The following CFAP54 variants were observed in gnomAD, a reference collection of about 807,000 sequenced individuals.
The protein encoded by CFAP54 is cilia- and flagella-associated protein 54.
CFAP54 carries 290 observed loss-of-function variants against 370.4 expected under a neutral mutation model. The observed-to-expected ratio is 0.78, with a 90% CI of 0.71 to 0.86. The LOEUF (loss-of-function observed/expected upper bound fraction) is 0.86. Ranked by LOEUF, CFAP54 falls within the 40% of genes least tolerant of loss-of-function variation. The probability of loss-of-function intolerance (pLI) is 0.00; values close to 1 mark genes in which losing one functional copy is unlikely to be tolerated. For synonymous variants in CFAP54, 1,206 were observed against 1,236.5 expected, an observed-to-expected ratio of 0.98 and a Z score of 0.52; for missense variants, 3,399 against 3,528.7, an observed-to-expected ratio of 0.96 and a Z score of 0.93.
chr12:96,823,077 C>A (rs1255896005), intron 65 of CFAP54, among the ~76,000 whole-genome samples: 1 of 151,982 alleles, frequency 6.6e-6, no homozygotes, highest in Non-Finnish European at 1.5e-5. Context: ...ACTCTTCTAA[C>A]TGATTGTATT....
intron 17 of CFAP54, among the ~76,000 whole-genome samples, chr12:96,562,164 C>T (rs1239137113): frequency 6.6e-6 from 1 of 152,072 alleles, no homozygotes; most frequent in Non-Finnish European, 1.5e-5. Context: ...TTTCCTTCTC[C>T]CATATTGAGC....
chr12:96,782,378 A>G (rs570481885), intron 60 of CFAP54, among the ~76,000 whole-genome samples: 3 of 152,122 alleles, frequency 2.0e-5, no homozygotes, highest in Non-Finnish European at 4.4e-5. Context: ...GTAGAAAAAA[A>G]CCATCATTCA....
At chr12:96,705,418 A>G (rs775048185) in intron 47 of CFAP54, among the ~76,000 whole-genome samples, 2 of 151,274 alleles carry the variant, frequency 1.3e-5, no homozygotes, top group African/African-American at 4.9e-5. Flanking sequence ...CAGATGATTC[A>G]TTGTTTTTTT....
intron 32 of CFAP54, among the ~76,000 whole-genome samples, chr12:96,639,540 A>G (rs1956701308): frequency 1.3e-5 from 2 of 152,220 alleles, no homozygotes. Context: ...AACTATTCCA[A>G]TCAATAGAAA....
At chr12:96,668,620 A>G (rs1185504197) in intron 39 of CFAP54, among the ~76,000 whole-genome samples, 1 of 152,218 alleles carries the variant, frequency 6.6e-6, no homozygotes, top group Non-Finnish European at 1.5e-5. Flanking sequence ...GGGAGCTACA[A>G]TTCAAGATGA....
At chr12:96,624,220 C>G (rs1956528642) in intron 28 of CFAP54, among the ~76,000 whole-genome samples, 1 of 152,132 alleles carries the variant, frequency 6.6e-6, no homozygotes, top group South Asian at 2.1e-4. Context: ...GTCCTTGGCA[C>G]TGTATGATAT....
At chr12:96,854,518 T>A (rs1315041469) in intron 66 of CFAP54, among the ~76,000 whole-genome samples, 1 of 152,026 alleles carries the variant, frequency 6.6e-6, no homozygotes, top group Non-Finnish European at 1.5e-5. Context: ...CTTTAGAGAA[T>A]CAATAGTACA....
intron 66 of CFAP54, among the ~76,000 whole-genome samples, chr12:96,851,956 A>G (rs1431994490): frequency 6.6e-6 from 1 of 152,142 alleles, no homozygotes; most frequent in Non-Finnish European, 1.5e-5. Context: ...TCACAGACAT[A>G]GAAAACCCAA....
chr12:96,655,075 A>C (rs976247539), intron 36 of CFAP54, among the ~76,000 whole-genome samples: 2 of 152,086 alleles, frequency 1.3e-5, no homozygotes, highest in Non-Finnish European at 2.9e-5. Context: ...GATTCACTAT[A>C]TATGTGATAT....
At chr12:96,672,037 A>G (rs541107030) in intron 39 of CFAP54, among the ~76,000 whole-genome samples, 1 of 152,338 alleles carries the variant, frequency 6.6e-6, no homozygotes, top group Non-Finnish European at 1.5e-5. Flanking sequence ...CTTTTCAAGT[A>G]ACTTAGCACC....
chr12:96,835,031 G>GT lies in CFAP54; in HGVS notation c.9171+5944dup, dbSNP rs758341155. Among the ~76,000 whole-genome samples, 333 of 152,106 alleles carry GT rather than the reference G, an allele frequency of 2.2e-3. 1 individual carries two copies. Among genetic ancestry groups the GT allele is most frequent in the Admixed American group, 5.2e-3 (80 of 15,292 alleles). ...CTCTTCTCTGCAGGCAGGTTGTCCTGTCGTCTCTGCAACTCTCAGCAGAGA... is the reference window on the plus strand; with the variant it reads ...CTCTTCTCTGCAGGCAGGTTGTCCTGTTCGTCTCTGCAACTCTCAGCAGAGA... On this transcript the variant is annotated intron_variant, in intron 66 of 67. Transcript: ENST00000524981.
chr12:96,591,984 T>A (rs1242048493), intron 23 of CFAP54, among the ~76,000 whole-genome samples: 1 of 151,304 alleles, frequency 6.6e-6, no homozygotes, highest in Non-Finnish European at 1.5e-5. Flanking sequence ...GATGCAGTAA[T>A]GACTCAGTTG....
chr12:96,534,040 G>T, intron 10 of CFAP54, 22 bp from the exon 11 acceptor site: 1 of 1,505,550 alleles, frequency 6.6e-7, no homozygotes, highest in Admixed American at 2.3e-5. Context: ...ACTAATTAAC[G>T]TGTGGGATAT....
intron 32 of CFAP54, among the ~76,000 whole-genome samples, chr12:96,639,994 A>T (rs1037126417): frequency 2.1e-4 from 32 of 152,222 alleles, no homozygotes; most frequent in African/African-American, 6.5e-4. Context: ...CAAAAACTGG[A>T]AGCATTCCCT....
At chr12:96,625,849 C>T in intron 29 of CFAP54, 42 bp downstream of exon 29, 1 of 1,339,140 alleles carries the variant, frequency 7.5e-7, no homozygotes, top group Non-Finnish European at 1.0e-6. Flanking sequence ...CTCGATTTAT[C>T]ACTGAAGAGA....
intron 46 of CFAP54, among the ~76,000 whole-genome samples, chr12:96,701,930 T>A (rs946780105): frequency 3.3e-5 from 5 of 152,112 alleles, no homozygotes; most frequent in Non-Finnish European, 7.4e-5. Context: ...CACTGCTTAC[T>A]ATTGGGGAAG....
chr12:96,685,536 T>C (rs1957319673), intron 42 of CFAP54, among the ~76,000 whole-genome samples: 1 of 128,282 alleles, frequency 7.8e-6, no homozygotes, highest in Non-Finnish European at 1.6e-5. Flanking sequence ...AATAACTACT[T>C]GTTTTTTTTG....
intron 26 of CFAP54, among the ~76,000 whole-genome samples, chr12:96,604,638 G>C (rs929516563): frequency 6.6e-6 from 1 of 152,216 alleles, no homozygotes; most frequent in Non-Finnish European, 1.5e-5. Flanking sequence ...CTGCCACTTT[G>C]TTTACACTGT....
At chr12:96,782,075 T>C (rs1479636354) in intron 60 of CFAP54, among the ~76,000 whole-genome samples, 1 of 152,034 alleles carries the variant, frequency 6.6e-6, no homozygotes, top group Non-Finnish European at 1.5e-5. Flanking sequence ...ACTACTTTAA[T>C]AGATTGAAAG....
Sources: allele counts gnomAD v4.1 joint callset (sites outside exome capture counted in the v4.1 genomes callset), GRCh38; gene constraint gnomAD v4.1.1; transcripts MANE v1.5; gene names NCBI Gene and HGNC (gene_info 2026-07-23, HGNC 2026-07-21).